The following CCNJL variants were observed in gnomAD, a reference collection of about 807,000 sequenced individuals.
CCNJL encodes cyclin J like, also known as cyclin-J-like protein.
A neutral mutation model predicts 33.4 loss-of-function variants in CCNJL; 33 were observed. The observed-to-expected ratio is 0.99, with a 90% confidence interval of 0.75 to 1.32. The LOEUF (loss-of-function observed/expected upper bound fraction) is 1.32, where lower values mean the gene tolerates loss of function less well. Among genes scored for constraint, CCNJL ranks in the 40% most tolerant of loss-of-function variants. The probability of loss-of-function intolerance (pLI) is 0.00; values close to 1 mark genes in which losing one functional copy is unlikely to be tolerated. For missense variants in CCNJL, 512 were observed against 499.7 expected, an observed-to-expected ratio of 1.02 and a Z score of -0.23; for synonymous variants, 227 against 220.9, an observed-to-expected ratio of 1.03 and a Z score of -0.24.
chr5:160,330,993 A>G (rs1015531743), intron 1 of CCNJL, among the ~76,000 whole-genome samples: 2 of 151,732 alleles, frequency 1.3e-5, no homozygotes, highest in African/African-American at 4.8e-5. Context: ...CAATATCCAA[A>G]CAGATAGATG....
chr5:160,337,160 T>C (rs1015141724), intron 1 of CCNJL, among the ~76,000 whole-genome samples: 6 of 145,174 alleles, frequency 4.1e-5, no homozygotes, highest in Non-Finnish European at 7.6e-5. Flanking sequence ...CGTACCACCA[T>C]GCCCGGCAAA....
chr5:160,266,601 G>A (rs1392881437), intron 3 of CCNJL, among the ~76,000 whole-genome samples: 2 of 152,158 alleles, frequency 1.3e-5, no homozygotes, highest in African/African-American at 2.4e-5. Context: ...ACACCTCATA[G>A]GGCAGTAGGG....
intron 1 of CCNJL, among the ~76,000 whole-genome samples, chr5:160,328,715 C>CAAA (rs535753887): frequency 7.8e-6 from 1 of 127,618 alleles, no homozygotes; most frequent in Non-Finnish European, 1.7e-5. Context: ...ATTAAAAATA[C>CAAA]AAAAAAAAAA....
Position 160,280,129 on chromosome 5 carries a change from A to G in CCNJL, c.280+396T>C, listed in dbSNP as rs114605112. Among the ~76,000 whole-genome samples, 1,360 of 152,262 alleles carry G rather than the reference A, an allele frequency of 8.9e-3. 17 individuals are homozygous for G. Among genetic ancestry groups the G allele is most frequent in the African/African-American group, 0.03 (1,253 of 41,560 alleles). On this transcript the variant is annotated intron_variant, in intron 3 of 5. Coordinates refer to ENST00000257536, the MANE Select transcript of CCNJL (RefSeq NM_001308173.3). ...CTCCCAGCACGTTCATATCCCCCAT[A>G]CCAGGAAGCAGGAGACAGGAGGTTG...
chr5:160,259,249 T>C (rs6875660), intron 4 of CCNJL, among the ~76,000 whole-genome samples: 25,350 of 152,272 alleles, frequency 0.17, 2,566 homozygotes, highest in African/African-American at 0.28. Context: ...TCTAGGTTTC[T>C]GGCTGCCTGC....
At chr5:160,280,924 C>T in intron 2 of CCNJL, 186 bp from the exon 3 acceptor site, 1 of 695,100 alleles carries the variant, frequency 1.4e-6, no homozygotes, top group Non-Finnish European at 2.6e-6. Flanking sequence ...TTTCACTAAG[C>T]ACAGGCTCAT....
Position 160,292,717 on chromosome 5 carries a change from T to C in CCNJL, c.67-11979A>G, listed in dbSNP as rs565396188. Among the ~76,000 whole-genome samples the C allele has an allele frequency of 9.7e-3, 1,478 of 152,046 alleles. 12 individuals are homozygous for C. Among genetic ancestry groups the C allele is most frequent in the Admixed American group, 0.028 (423 of 15,274 alleles). On this transcript the variant is annotated intron_variant, in intron 2 of 5. Coordinates refer to ENST00000257536, the MANE Select transcript of CCNJL (RefSeq NM_001308173.3). ...TATATATATAACTTGAAAGTCTGTA[T>C]GTATATATACAATTTAATATTTTTT... is the stretch of plus-strand genomic sequence containing the variant.
rs116627740 is a variant in CCNJL, at chr5:160,320,530, G to C, written n.207-5025C>G. Among the ~76,000 whole-genome samples the C allele has an allele frequency of 6.3e-3, 961 of 152,320 alleles. 10 individuals are homozygous for C. The highest frequency in any genetic ancestry group is 0.022 in the African/African-American group (900 of 41,562). Reference sequence around the variant, plus strand: ...TATGAGGAAAAAACCGCCTGAGTTTGACAGTCAATGTCCACACCAGCCACA... The same window carrying C: ...TATGAGGAAAAAACCGCCTGAGTTTCACAGTCAATGTCCACACCAGCCACA... On this transcript the variant is annotated intron_variant and non_coding_transcript_variant, in intron 1 of 7. Transcript: ENST00000377503.
At position 160,268,454 on chromosome 5, in the gene CCNJL, C is replaced by G. The variant is rs952186047; in HGVS notation, c.281-8683G>C. Among the ~76,000 whole-genome samples the G allele has an allele frequency of 3.3e-5, 5 of 152,176 alleles. No homozygotes were observed. In the East Asian group the frequency reaches 9.6e-4, roughly 29 times the overall value. On this transcript the variant is annotated intron_variant, in intron 3 of 5. Coordinates refer to ENST00000257536, the MANE Select transcript of CCNJL (RefSeq NM_001308173.3). The stretch of plus-strand genomic sequence containing the variant: ...GAGGGTGACATGATGGCTTAGTGTG[C>G]TTAGAACAGCACCCTTTGTAAACTT...
upstream of CCNJL, among the ~76,000 whole-genome samples, chr5:160,316,270 C>G (rs1763379600): frequency 6.6e-6 from 1 of 152,148 alleles, no homozygotes; most frequent in Non-Finnish European, 1.5e-5. Context: ...AAGAAGCATT[C>G]ATTAAGCCAT....
At chr5:160,258,233 A>C in intron 4 of CCNJL, 1 of 632,872 alleles carries the variant, frequency 1.6e-6, no homozygotes, top group South Asian at 1.7e-5. Flanking sequence ...TTTTTTTAAG[A>C]CCGAGTCTCG....
At chr5:160,296,954 G>A (rs757155022) in intron 2 of CCNJL, among the ~76,000 whole-genome samples, 4 of 152,184 alleles carry the variant, frequency 2.6e-5, no homozygotes, top group Non-Finnish European at 5.9e-5. Flanking sequence ...GGTAAGGTAT[G>A]TAACTCTCTA....
intron 4 of CCNJL, among the ~76,000 whole-genome samples, chr5:160,256,494 A>G (rs914932236): frequency 3.3e-5 from 5 of 152,236 alleles, no homozygotes; most frequent in Admixed American, 3.3e-4. Context: ...TGACTGAGGA[A>G]TCTTAATGTC....
In CCNJL at chr5:160,259,539, G is replaced by A; in HGVS notation, c.513C>T (p.Thr171=). 1 of 1,614,174 alleles carries A rather than the reference G, an allele frequency of 6.2e-7. No homozygotes were observed. Among genetic ancestry groups the A allele is most frequent in the Non-Finnish European group, 8.5e-7 (1 of 1,179,994 alleles). The part of the protein sequence containing the change: ...QKDHHCHTWP[T]TCPRKTKECL... ...ACTCTTTGGTCTTGCGGGGGCAGGT[G>A]GTGGGCCAGGTGTGGCAGTGGTGGT... Residue 171 remains threonine, a synonymous_variant, in exon 4 of 6, where the codon ACC becomes ACT. Transcript: ENST00000257536.
intron 2 of CCNJL, among the ~76,000 whole-genome samples, chr5:160,306,072 G>A (rs1204862464): frequency 2.6e-5 from 4 of 152,038 alleles, no homozygotes; most frequent in Admixed American, 1.3e-4. Context: ...TCAGGAGTTA[G>A]AGACCAGCCT....
In CCNJL at chr5:160,252,085, C is replaced by A. The variant is rs1399400197; in HGVS notation, c.*1293G>T. The A allele has an allele frequency of 6.6e-6, 1 of 152,666 alleles. No individual in the cohort carries two copies. Among genetic ancestry groups the A allele is most frequent in the African/African-American group, 2.4e-5 (1 of 41,444 alleles). The allele number at this position is 152,666 out of a possible 1,614,324, so 9.5% of individuals were successfully genotyped here. Reference sequence around the variant, plus strand: ...AAAATTGCTTCCACGGTCCTTTGCACCTCCCAGTTCTGCTGGGTGAACAAT... The same window carrying A: ...AAAATTGCTTCCACGGTCCTTTGCAACTCCCAGTTCTGCTGGGTGAACAAT... On this transcript the variant is annotated 3_prime_UTR_variant, in exon 6 of 6. Coordinates refer to ENST00000257536, the MANE Select transcript of CCNJL (RefSeq NM_001308173.3).
At chr5:160,320,235 T>C (rs1297417950) in intron 1 of CCNJL, among the ~76,000 whole-genome samples, 1 of 152,250 alleles carries the variant, frequency 6.6e-6, no homozygotes, top group African/African-American at 2.4e-5. Flanking sequence ...CAGAGCAGGC[T>C]AGAACCTTCC....
At chr5:160,272,913 AAG>A (rs1194831918) in intron 3 of CCNJL, among the ~76,000 whole-genome samples, 1 of 152,248 alleles carries the variant, frequency 6.6e-6, no homozygotes, top group Non-Finnish European at 1.5e-5. Context: ...CAGTGAAAAA[AAG>A]AGATGGCAAC....
At chr5:160,258,674 T>C (rs546193852) in intron 4 of CCNJL, 1 of 844,270 alleles carries the variant, frequency 1.2e-6, no homozygotes, top group Admixed American at 1.8e-5. Flanking sequence ...CTGCAGCTGT[T>C]TTACTTTAAA....
Sources: allele counts gnomAD v4.1 joint callset (sites outside exome capture counted in the v4.1 genomes callset), GRCh38; gene constraint gnomAD v4.1.1; transcripts MANE v1.5; gene names NCBI Gene and HGNC (gene_info 2026-07-23, HGNC 2026-07-21).